Variants in PIGR observed in about 807,000 individuals in gnomAD.
The protein encoded by PIGR is polymeric immunoglobulin receptor.
A neutral mutation model predicts 69.5 loss-of-function variants in PIGR; 22 were observed. That is an observed-to-expected ratio of 0.32 (90% confidence interval 0.23 to 0.45). The LOEUF (loss-of-function observed/expected upper bound fraction) is 0.45. Ranked by LOEUF, PIGR falls within the 20% of genes least tolerant of loss-of-function variation. The pLI, the probability that PIGR is intolerant of heterozygous loss-of-function variation, is 1.00. For synonymous variants in PIGR, 413 were observed against 407.6 expected (o/e 1.01, Z -0.16); for missense variants, 885 against 974.0 (o/e 0.91, Z 1.22).
rs2102594486 is a variant in PIGR, at chr1:206,928,927, G to T, written c.*1391C>A. 6.6e-6 allele frequency: 1 copy of T among 152,626 alleles called. No individual in the cohort carries two copies. The highest frequency in any genetic ancestry group is 2.4e-5 in the African/African-American group (1 of 41,500). 9.5% of individuals were successfully genotyped at this position (152,626 alleles called of 1,614,324 possible). On this transcript the variant is annotated 3_prime_UTR_variant, in exon 11 of 11. Transcript: ENST00000356495. ...GCCAAATCTAATTTATCTCACTGAG[G>T]GCCTTTGAGAAAAACGCTTCAGGGC...
rs185174797 is a variant in PIGR, at chr1:206,932,897, T to C, written c.1886+89A>G. ...GCTGCCCCAGTGCTCAAGAGACAGATGGGCTTTCCTCCTTGGACCTGGTGG... is the reference window on the plus strand; with the variant it reads ...GCTGCCCCAGTGCTCAAGAGACAGACGGGCTTTCCTCCTTGGACCTGGTGG... On this transcript the variant is annotated intron_variant, in intron 7 of 10. Transcript: ENST00000356495. The C allele has an allele frequency of 6.9e-4, 923 of 1,328,640 alleles. 1 individual carries two copies. The highest frequency in any genetic ancestry group is 1.7e-3 in the South Asian group (130 of 76,632). The allele number at this position is 1,328,640 out of a possible 1,614,324, so 82.3% of individuals were successfully genotyped here. A position where few individuals can be genotyped will look rare whatever the true frequency, so the allele number is the denominator to read the frequency against.
Position 206,935,577 on chromosome 1 carries a change from G to A in PIGR, c.1287C>T (p.Asn429=). 6.2e-7 allele frequency: 1 copy of A among 1,614,244 alleles called. No individual in the cohort carries two copies. The highest frequency in any genetic ancestry group is 8.5e-7 in the Non-Finnish European group (1 of 1,180,036). Residue 429 remains asparagine (N), a synonymous_variant, in exon 5 of 11, where the codon AAC becomes AAT. Transcript: ENST00000356495. This position sits in a 1 kb window ranked among gnomAD's most constrained non-coding sequence, Gnocchi z 4.4. The stretch of plus-strand genomic sequence containing the variant: ...AGCCGGCGTCCCGGCTGGTGAGCTG[G>A]TTGAGGATGACAGTGAAGGTGCCGT... ...PGNGTFTVIL[N]QLTSRDAGFY...
rs1419576819 is a variant in PIGR at position 206,939,148 on chromosome 1, G to T, written c.359C>A (p.Ser120Tyr). Residue 120 changes from serine to tyrosine, a missense_variant, in exon 3 of 11, where the codon TCC becomes TAC. Physicochemically the swap from Ser to Tyr is moderately radical, Grantham distance 144. Transcript: ENST00000356495. ...CGLGINSRGL[S>Y]FDVSLEVSQG... ...GCTGACCTCCAGGCTGACATCAAAG[G>T]ACAGGCCTCGGCTATTGATGCCCAG... 1 of 1,612,570 alleles carries T rather than the reference G, an allele frequency of 6.2e-7. No homozygotes were observed. The highest frequency in any genetic ancestry group is 8.5e-7 in the Non-Finnish European group (1 of 1,178,858).
Position 206,930,456 on chromosome 1 carries a change from T to G in PIGR, c.2200-43A>C. 3 of 1,592,634 alleles carry G rather than the reference T, an allele frequency of 1.9e-6. No individual in the cohort carries two copies. Among genetic ancestry groups the G allele is most frequent in the Non-Finnish European group, 2.6e-6 (3 of 1,169,252 alleles). Reference sequence around the variant, plus strand: ...AGGCATCAGTGTTGGGGGCACTGGCTCAGTGGGTGGAGTCAGGGGAGGGGA... The same window carrying G: ...AGGCATCAGTGTTGGGGGCACTGGCGCAGTGGGTGGAGTCAGGGGAGGGGA... On this transcript the variant is annotated intron_variant, in intron 10 of 10. Coordinates refer to ENST00000356495, the MANE Select transcript of PIGR (RefSeq NM_002644.4). This position sits in a 1 kb window ranked among gnomAD's most constrained non-coding sequence, Gnocchi z 4.3.
chr1:206,930,540 A>G lies in PIGR; in HGVS notation c.2200-127T>C, dbSNP rs1679717545. 5.1e-6 allele frequency: 7 copies of G among 1,371,584 alleles called. No homozygotes were observed. Among genetic ancestry groups the G allele is most frequent in the Non-Finnish European group, 5.7e-6 (6 of 1,059,320 alleles). 85.0% of individuals were successfully genotyped at this position (1,371,584 alleles called of 1,614,324 possible). ...CAAGCAACACAAGCCTTTGGGGCCC[A>G]CTGTTCTCATCCCAGCCCCCATGCT... On this transcript the variant is annotated intron_variant, in intron 10 of 10. Coordinates refer to ENST00000356495, the MANE Select transcript of PIGR (RefSeq NM_002644.4). This position sits in a 1 kb window ranked among gnomAD's most constrained non-coding sequence, Gnocchi z 4.3.
chr1:206,937,344 C>A lies in PIGR; in HGVS notation c.796G>T (p.Val266Leu). 1.9e-6 allele frequency: 3 copies of A among 1,613,098 alleles called. No individual in the cohort carries two copies. The highest frequency in any genetic ancestry group is 2.5e-6 in the Non-Finnish European group (3 of 1,179,322). ...HCALGPEVAN[V>L]AKFLCRQSSG... is the part of the protein sequence containing the mutation. ...CTCTGTCGGCACAGAAATTTGGCCACGTTTGCCACCTCAGGGCCCAGGGCA... is the reference window on the plus strand; with the variant it reads ...CTCTGTCGGCACAGAAATTTGGCCAAGTTTGCCACCTCAGGGCCCAGGGCA... The change falls in exon 4 of 11, where the codon GTG becomes TTG. Residue 266 changes from valine (V) to leucine (L), a missense_variant. Coordinates refer to ENST00000356495, the MANE Select transcript of PIGR (RefSeq NM_002644.4).
At chr1:206,939,513 C>T (rs755976148) in intron 2 of PIGR, 50 bp from the exon 3 acceptor site, 1 of 1,363,480 alleles carries the variant, frequency 7.3e-7, no homozygotes, top group Non-Finnish European at 1.0e-6. Flanking sequence ...GAGGTAAAGC[C>T]TGTTCCAGAT....
In PIGR at chr1:206,933,069, A is replaced by T. The variant is rs1244832494; in HGVS notation, c.1803T>A (p.Asp601Glu). ...FREIENKAIQ[D>E]PRLFAEEKAV... ...CCTTTTCCTCTGCAAAAAGCCTGGG[A>T]TCCTGAATGGCTTTGTTCTCAATCT... is the stretch of plus-strand genomic sequence containing the variant. Residue 601 changes from aspartate (D) to glutamate (E), a missense_variant, in exon 7 of 11, where the codon GAT becomes GAA. By Grantham distance (45) the Asp-to-Glu change is conservative. Coordinates refer to ENST00000356495, the MANE Select transcript of PIGR (RefSeq NM_002644.4). 1.2e-6 allele frequency: 2 copies of T among 1,614,158 alleles called. No individual in the cohort carries two copies. Among genetic ancestry groups the T allele is most frequent in the East Asian group, 4.5e-5 (2 of 44,890 alleles).
At chr1:206,940,430 C>G in intron 2 of PIGR, 59 bp downstream of exon 2, 2 of 1,508,514 alleles carry the variant, frequency 1.3e-6, no homozygotes, top group Non-Finnish European at 9.0e-7. Context: ...GGAGGTGAAC[C>G]CTGGAGTCGG....
chr1:206,933,309 CATT>C, intron 6 of PIGR, 143 bp from the exon 7 acceptor site: 3 of 717,096 alleles, frequency 4.2e-6, no homozygotes, highest in Non-Finnish European at 6.8e-6. Context: ...CCCAGGATGA[CATT>C]AGAAACAGCT....
chr1:206,931,131 G>A, intron 10 of PIGR: 1 of 985,430 alleles, frequency 1.0e-6, no homozygotes. Flanking sequence ...GGGAGGATGT[G>A]TGGCCTGAGG....
Position 206,937,432 on chromosome 1 carries a change from T to C in PIGR, c.708A>G (p.Gln236=). The C allele has an allele frequency of 6.2e-7, 1 of 1,614,170 alleles. No individual in the cohort carries two copies. Among genetic ancestry groups the C allele is most frequent in the African/African-American group, 1.3e-5 (1 of 75,044 alleles). ...SNSNKKNADL[Q]VLKPEPELVY... The stretch of plus-strand genomic sequence containing the variant: ...CCAGCTCGGGCTCGGGCTTTAGCAC[T>C]TGGAGGTCAGCATTCTTCTTATTAC... Residue 236 remains glutamine, a synonymous_variant, in exon 4 of 11, where the codon CAA becomes CAG. Coordinates refer to ENST00000356495, the MANE Select transcript of PIGR (RefSeq NM_002644.4).
At chr1:206,932,248 A>T (rs1174222884) in intron 8 of PIGR, among the ~76,000 whole-genome samples, 1 of 152,146 alleles carries the variant, frequency 6.6e-6, no homozygotes, top group African/African-American at 2.4e-5. Flanking sequence ...GTAATTGGAG[A>T]TGATTTTCCA....
Position 206,935,783 on chromosome 1 carries a change from C to G in PIGR, c.1081G>C (p.Gly361Arg), listed in dbSNP as rs532318237. 50 of 1,610,596 alleles carry G rather than the reference C, an allele frequency of 3.1e-5. No homozygotes were observed. The highest frequency in any genetic ancestry group is 3.9e-5 in the Non-Finnish European group (46 of 1,177,294). Residue 361 changes from glycine (G) to arginine (R), a missense_variant, in exon 5 of 11, where the codon GGG becomes CGG. Coordinates refer to ENST00000356495, the MANE Select transcript of PIGR (RefSeq NM_002644.4). The surrounding 1 kb of genome is among the most constrained non-coding windows in gnomAD (Gnocchi z 4.4). ...ACGGCCACAGAGCCTCCTGCCACCCCCTTCACCACAGTGGGGCTGCGGGGA... is the reference window on the plus strand; with the variant it reads ...ACGGCCACAGAGCCTCCTGCCACCCGCTTCACCACAGTGGGGCTGCGGGGA... ...TIPRSPTVVK[G>R]VAGGSVAVLC... is the part of the protein sequence containing the mutation.
intron 1 of PIGR, among the ~76,000 whole-genome samples, chr1:206,943,158 G>A (rs1430270938): frequency 6.6e-6 from 1 of 152,126 alleles, no homozygotes; most frequent in Non-Finnish European, 1.5e-5. Flanking sequence ...ATAATGTTGG[G>A]CACCTGCTAC....
chr1:206,936,910 G>A (rs140572695), intron 4 of PIGR, among the ~76,000 whole-genome samples, 185 bp downstream of exon 4: 82 of 152,340 alleles, frequency 5.4e-4, no homozygotes, highest in African/African-American at 1.9e-3. Flanking sequence ...GCTGCCATCA[G>A]GCAGAGGTTG....
chr1:206,940,388 C>T (rs910368406), intron 2 of PIGR, 101 bp downstream of exon 2: 2 of 1,133,820 alleles, frequency 1.8e-6, no homozygotes, highest in Non-Finnish European at 2.5e-6. Flanking sequence ...GAGGGACATC[C>T]CTGGGGATGA....
At position 206,930,345 on chromosome 1, in the gene PIGR, C is replaced by G; in HGVS notation, c.2268G>C (p.Glu756Asp). Residue 756 changes from glutamate to aspartate, a missense_variant, in exon 11 of 11, where the codon GAG (glutamate) becomes GAC (aspartate). Transcript: ENST00000356495. The surrounding 1 kb of genome is among the most constrained non-coding windows in gnomAD (Gnocchi z 4.3). ...AGGCTTCCTGGGGGCCGTCCTGGGC[C>G]TCGGCGGCCACGGTGCTGGACTGGA... ...FLLQSSTVAAEAQDGPQEA is the reference protein window; with the variant it reads ...FLLQSSTVAADAQDGPQEA The G allele has an allele frequency of 3.1e-6, 5 of 1,611,896 alleles. No homozygotes were observed. The highest frequency in any genetic ancestry group is 3.4e-6 in the Non-Finnish European group (4 of 1,178,924).
At position 206,929,537 on chromosome 1, in the gene PIGR, A is replaced by T. The variant is rs1379952164; in HGVS notation, c.*781T>A. ...ACTCCAGCCTGGGCGACAGTGAGAGACTCCGTCTCAAAAAAAAAAAAGAAA... is the reference window on the plus strand; with the variant it reads ...ACTCCAGCCTGGGCGACAGTGAGAGTCTCCGTCTCAAAAAAAAAAAAGAAA... On this transcript the variant is annotated 3_prime_UTR_variant, in exon 11 of 11. Transcript: ENST00000356495. 6.7e-6 allele frequency: 1 copy of T among 148,800 alleles called. No homozygotes were observed. The highest frequency in any genetic ancestry group is 1.5e-5 in the Non-Finnish European group (1 of 67,230). 9.2% of individuals were successfully genotyped at this position (148,800 alleles called of 1,614,324 possible). A position where few individuals can be genotyped will look rare whatever the true frequency, so the allele number is the denominator to read the frequency against.
Sources: allele counts gnomAD v4.1 joint callset (sites outside exome capture counted in the v4.1 genomes callset), GRCh38; gene constraint gnomAD v4.1.1; non-coding constraint Gnocchi (gnomAD v3.1); transcripts MANE v1.5; gene names NCBI Gene and HGNC (gene_info 2026-07-23, HGNC 2026-07-21).